AGMO: variants seen among roughly 807,000 people sequenced by gnomAD.
AGMO encodes the protein glyceryl-ether monooxygenase.
AGMO carries 75 observed loss-of-function variants against 60.2 expected under a neutral mutation model. That is an observed-to-expected ratio of 1.25 (90% CI 1.03 to 1.51). AGMO has a LOEUF of 1.51. AGMO is among the 40% of genes most tolerant of loss of function. The pLI is 0.00. For synonymous variants in AGMO, 261 were observed against 177.1 expected, an observed-to-expected ratio of 1.47 and a Z score of -3.76; for missense variants, 763 against 525.5, an observed-to-expected ratio of 1.45 and a Z score of -4.42.
chr7:15,502,425 T>C (rs1459277269), intron 3 of AGMO, among the ~76,000 whole-genome samples: 1 of 151,856 alleles, frequency 6.6e-6, no homozygotes, highest in Non-Finnish European at 1.5e-5. Flanking sequence ...AGAGAGACAA[T>C]TTATAATAAA....
At chr7:15,535,994 G>C (rs908074391) in intron 3 of AGMO, among the ~76,000 whole-genome samples, 4 of 151,744 alleles carry the variant, frequency 2.6e-5, no homozygotes, top group African/African-American at 9.7e-5. Flanking sequence ...ACTTTATAGA[G>C]TTATTCTGGG....
chr7:15,177,887 T>C, the AGMO span, among the ~76,000 whole-genome samples: 2 of 152,200 alleles, frequency 1.3e-5, no homozygotes, highest in East Asian at 3.8e-4. Flanking sequence ...ATGATATTGC[T>C]TTCTTTTATG....
At chr7:15,523,129 A>G in intron 3 of AGMO, among the ~76,000 whole-genome samples, 1 of 152,264 alleles carries the variant, frequency 6.6e-6, no homozygotes, top group East Asian at 1.9e-4. Context: ...AATGCAAATC[A>G]AAACCACAAT....
chr7:15,485,290 C>A (rs1339703241), intron 3 of AGMO, among the ~76,000 whole-genome samples: 3 of 151,024 alleles, frequency 2.0e-5, no homozygotes, highest in Non-Finnish European at 2.9e-5. Context: ...GCACTCCAGG[C>A]TGTGAGACAG....
chr7:15,209,387 A>C (rs903007570), intron 12 of AGMO, among the ~76,000 whole-genome samples: 11 of 87,030 alleles, frequency 1.3e-4, no homozygotes, highest in Non-Finnish European at 1.9e-4. Flanking sequence ...AGTCTCAAAA[A>C]ATGAGGTTTT....
chr7:15,431,245 A>AT (rs1336908988), intron 3 of AGMO, 137 bp from the exon 4 acceptor site: 4 of 617,206 alleles, frequency 6.5e-6, no homozygotes, highest in Non-Finnish European at 8.5e-6. Flanking sequence ...TATAATTATA[A>AT]TTAAAATATG....
chr7:15,271,040 G>A (rs989955112), intron 12 of AGMO, among the ~76,000 whole-genome samples: 6 of 152,026 alleles, frequency 3.9e-5, no homozygotes, highest in Middle Eastern at 3.4e-3. Context: ...TTTTGTACCA[G>A]TACCATGCTG....
At chr7:15,389,433 G>C (rs1322896387) in intron 8 of AGMO, among the ~76,000 whole-genome samples, 1 of 152,118 alleles carries the variant, frequency 6.6e-6, no homozygotes, top group African/African-American at 2.4e-5. Flanking sequence ...CAAAATATTT[G>C]CTTATATTCT....
At chr7:15,455,678 T>C (rs1254064063) in intron 3 of AGMO, among the ~76,000 whole-genome samples, 1 of 152,166 alleles carries the variant, frequency 6.6e-6, no homozygotes, top group Admixed American at 6.5e-5. Flanking sequence ...TTTAAGTATA[T>C]AATTTCAGGT....
chr7:15,237,140 G>C (rs1187306690), intron 12 of AGMO, among the ~76,000 whole-genome samples: 2 of 152,006 alleles, frequency 1.3e-5, no homozygotes, highest in African/African-American at 4.8e-5. Context: ...GTGCAGCTCC[G>C]TATGTGCATA....
intron 5 of AGMO, among the ~76,000 whole-genome samples, chr7:15,395,513 A>G (rs1015046108): frequency 1.3e-5 from 2 of 152,182 alleles, no homozygotes; most frequent in Admixed American, 1.3e-4. Context: ...TAACATTGTC[A>G]TTTTGTTAGA....
At chr7:15,355,130 G>A (rs1782473678) in intron 12 of AGMO, among the ~76,000 whole-genome samples, 1 of 152,058 alleles carries the variant, frequency 6.6e-6, no homozygotes, top group Non-Finnish European at 1.5e-5. Context: ...AATTTTAAAT[G>A]TGAGTATCCT....
At chr7:15,317,167 A>C (rs1050935526) in intron 12 of AGMO, among the ~76,000 whole-genome samples, 1 of 152,158 alleles carries the variant, frequency 6.6e-6, no homozygotes, top group Non-Finnish European at 1.5e-5. Context: ...CTGTCATTTC[A>C]CCCAAATCAA....
intron 12 of AGMO, among the ~76,000 whole-genome samples, chr7:15,232,079 G>A (rs1363630271): frequency 2.6e-5 from 4 of 152,102 alleles, no homozygotes; most frequent in Non-Finnish European, 4.4e-5. Context: ...AATCATAAGC[G>A]ATTTTTTATT....
intron 12 of AGMO, among the ~76,000 whole-genome samples, chr7:15,298,488 G>A (rs1015043991): frequency 1.3e-5 from 2 of 152,056 alleles, no homozygotes; most frequent in African/African-American, 4.8e-5. Flanking sequence ...TTGACCTCCT[G>A]GGCTCAGGTG....
chr7:15,508,299 G>C (rs548857642), intron 3 of AGMO, among the ~76,000 whole-genome samples: 1 of 152,218 alleles, frequency 6.6e-6, no homozygotes, highest in African/African-American at 2.4e-5. Context: ...TGTGATCCTT[G>C]CATTGTCTGG....
intron 12 of AGMO, among the ~76,000 whole-genome samples, chr7:15,242,057 G>T (rs113002838): frequency 1.3e-5 from 2 of 152,050 alleles, no homozygotes; most frequent in Non-Finnish European, 2.9e-5. Flanking sequence ...TCTGTTACCA[G>T]ACAGAGAAAA....
the AGMO span, among the ~76,000 whole-genome samples, chr7:15,136,557 T>C: frequency 6.6e-6 from 1 of 152,156 alleles, no homozygotes; most frequent in Non-Finnish European, 1.5e-5. Flanking sequence ...AATAGTGTGT[T>C]GGTATTATGC....
At chr7:15,533,507 C>A (rs1012218488) in intron 3 of AGMO, among the ~76,000 whole-genome samples, 1 of 152,068 alleles carries the variant, frequency 6.6e-6, no homozygotes, top group African/African-American at 2.4e-5. Context: ...ACTCAAATAT[C>A]CTCTACTCAA....
Sources: gnomAD v4.1 joint callset for allele counts (sites outside exome capture counted in the v4.1 genomes callset) on GRCh38, gnomAD v4.1.1 for gene constraint, MANE v1.5 for transcripts, NCBI Gene and HGNC (gene_info 2026-07-23, HGNC 2026-07-21) for gene names.